SPEF2: variants seen among roughly 807,000 people sequenced by gnomAD.
SPEF2 encodes the protein sperm flagellar and cilia associated 2, also known as sperm flagella and cilia-associated protein 2.
SPEF2 carries 187 observed loss-of-function variants against 224.6 expected under a neutral mutation model. The ratio of observed to expected loss-of-function variants is 0.83; its 90% confidence interval spans 0.74 to 0.94. SPEF2 has a LOEUF of 0.94. SPEF2 is among the 40% of genes least tolerant of loss of function. The probability of loss-of-function intolerance (pLI) is 0.00; values close to 1 mark genes in which losing one functional copy is unlikely to be tolerated. For synonymous variants in SPEF2, 715 were observed against 707.3 expected (o/e 1.01, Z -0.17); for missense variants, 2,170 against 2,135.6 (o/e 1.02, Z -0.32).
At chr5:35,638,055 T>C (rs1746087104) in intron 2 of SPEF2, among the ~76,000 whole-genome samples, 2 of 152,328 alleles carry the variant, frequency 1.3e-5, no homozygotes, top group South Asian at 2.1e-4. Flanking sequence ...GTTGTCAGTT[T>C]CTTTATCTGT....
chr5:35,763,772 A>G (rs1217001942), intron 26 of SPEF2, 70 bp downstream of exon 26: 5 of 1,377,926 alleles, frequency 3.6e-6, no homozygotes, highest in South Asian at 1.6e-5. Flanking sequence ...GTAATATGCT[A>G]TAAGTGGAAA....
At chr5:35,714,248 C>T (rs914698912) in intron 20 of SPEF2, among the ~76,000 whole-genome samples, 4 of 150,922 alleles carry the variant, frequency 2.7e-5, no homozygotes, top group South Asian at 2.1e-4. Context: ...GAGAATTTTT[C>T]AACCATCAAA....
At chr5:35,678,010 G>A (rs147632139) in intron 10 of SPEF2, among the ~76,000 whole-genome samples, 47 of 152,356 alleles carry the variant, frequency 3.1e-4, no homozygotes, top group African/African-American at 4.6e-4. Context: ...TCTCTCCAGC[G>A]TGGGCCTACA....
Position 35,659,045 on chromosome 5 carries a change from T to TAACC in SPEF2, c.1006_1009dup (p.Arg337GlnfsTer23). 6.3e-7 allele frequency: 1 copy of TAACC among 1,581,246 alleles called. No homozygotes were observed. The highest frequency in any genetic ancestry group is 8.6e-7 in the Non-Finnish European group (1 of 1,160,340). On this transcript the variant is annotated frameshift_variant, in exon 8 of 37. Coordinates refer to ENST00000356031, the MANE Select transcript of SPEF2 (RefSeq NM_024867.4). LOFTEE classifies it high-confidence loss of function. ...AGGCTTATCGGGAGGAACAGCTGAT[T>TAACC]AACCGGCTGATGCGGCAGTCCCAGC...
At chr5:35,760,698 G>A (rs542999577) in intron 25 of SPEF2, among the ~76,000 whole-genome samples, 3 of 152,232 alleles carry the variant, frequency 2.0e-5, no homozygotes, top group African/African-American at 7.2e-5. Context: ...CCAATGGGTA[G>A]GGGCAAAGGA....
At position 35,643,597 on chromosome 5, in the gene SPEF2, C is replaced by A. The variant is rs551052522; in HGVS notation, c.415-758C>A. 66 of 453,318 alleles carry A rather than the reference C, an allele frequency of 1.5e-4. 2 individuals carry two copies. The highest frequency in any genetic ancestry group is 1.0e-3 in the African/African-American group (50 of 49,944). 28.1% of individuals were successfully genotyped at this position (453,318 alleles called of 1,614,324 possible). On this transcript the variant is annotated intron_variant, in intron 3 of 36. Coordinates refer to ENST00000356031, the MANE Select transcript of SPEF2 (RefSeq NM_024867.4). ...AAGATGGAAAGAGGCCCTCTGGGGA[C>A]GGAAAGAGGAATATGCAATCAATGG... is the stretch of plus-strand genomic sequence containing the variant.
Position 35,709,063 on chromosome 5 carries a change from A to T in SPEF2, c.2781A>T (p.Glu927Asp). 1 of 1,614,000 alleles carries T rather than the reference A, an allele frequency of 6.2e-7. No individual in the cohort carries two copies. Among genetic ancestry groups the T allele is most frequent in the South Asian group, 1.1e-5 (1 of 91,014 alleles). The change falls in exon 19 of 37, where the codon GAA becomes GAT. Residue 927 changes from glutamate (E) to aspartate (D), a missense_variant. Coordinates refer to ENST00000356031, the MANE Select transcript of SPEF2 (RefSeq NM_024867.4). ...CTCCTGAACCAGAAAAAGAGAAGGA[A>T]ATTCATCAAAGCCATGTGGCTTCAA... ...APPPEPEKEK[E>D]IHQSHVASKT...
intron 3 of SPEF2, chr5:35,643,766 G>A (rs1746937974): frequency 3.6e-6 from 1 of 278,122 alleles, no homozygotes; most frequent in Non-Finnish European, 7.3e-6. Flanking sequence ...CCTGTTTCAG[G>A]TGCTTTATGA....
chr5:35,739,944 A>C lies in SPEF2; in HGVS notation c.3089A>C (p.Tyr1030Ser), dbSNP rs1378959857. Residue 1030 changes from tyrosine to serine, a missense_variant, in exon 22 of 37, where the codon TAC (tyrosine) becomes TCC (serine). Physicochemically the swap from Tyr to Ser is moderately radical, Grantham distance 144. Coordinates refer to ENST00000356031, the MANE Select transcript of SPEF2 (RefSeq NM_024867.4). ...PEEMPLFLVP[Y>S]WELIENSYIN... The stretch of plus-strand genomic sequence containing the variant: ...GAAATGCCTTTGTTTTTAGTACCTT[A>C]CTGGGAACTAATAGAAAATTCCTAT... 1 of 1,613,982 alleles carries C rather than the reference A, an allele frequency of 6.2e-7. No homozygotes were observed. The highest frequency in any genetic ancestry group is 1.1e-5 in the South Asian group (1 of 91,058).
At chr5:35,715,997 C>T (rs10072009) in intron 20 of SPEF2, among the ~76,000 whole-genome samples, 114,083 of 151,780 alleles carry the variant, frequency 0.75, 43,236 homozygotes, top group Middle Eastern at 0.83. Flanking sequence ...ATGCAATTTA[C>T]TTCTTCCAGG....
chr5:35,675,915 A>G (rs534097041), intron 10 of SPEF2: 4 of 456,258 alleles, frequency 8.8e-6, no homozygotes, highest in South Asian at 6.2e-5. Flanking sequence ...ACTTGTGTCT[A>G]TGGAATAGCA....
intron 29 of SPEF2, among the ~76,000 whole-genome samples, chr5:35,777,822 G>A (rs981022347): frequency 6.6e-6 from 1 of 152,052 alleles, no homozygotes. Context: ...GCGCGCATCT[G>A]TTTTAGTATC....
At chr5:35,688,874 TTGTC>T (rs1754034442) in intron 10 of SPEF2, among the ~76,000 whole-genome samples, 1 of 152,224 alleles carries the variant, frequency 6.6e-6, no homozygotes, top group South Asian at 2.1e-4. Flanking sequence ...AGTATCTTCA[TTGTC>T]TGTTAATATT....
At chr5:35,731,651 G>A (rs1003369445) in intron 21 of SPEF2, among the ~76,000 whole-genome samples, 4 of 152,210 alleles carry the variant, frequency 2.6e-5, no homozygotes, top group Non-Finnish European at 4.4e-5. Flanking sequence ...TCTGTTGCTT[G>A]TGTGAGCAAA....
chr5:35,678,269 C>T (rs11740118), intron 10 of SPEF2, among the ~76,000 whole-genome samples: 4,852 of 152,320 alleles, frequency 0.032, 135 homozygotes, highest in Admixed American at 0.053. Flanking sequence ...ATTAGATTTC[C>T]TGATGATCCA....
intron 11 of SPEF2, among the ~76,000 whole-genome samples, chr5:35,692,087 C>T (rs191582104): frequency 3.9e-5 from 6 of 151,990 alleles, no homozygotes; most frequent in Non-Finnish European, 7.4e-5. Context: ...CATGAGCCAC[C>T]GTGCCCAGCC....
chr5:35,650,003 G>A (rs1042148954), intron 6 of SPEF2, among the ~76,000 whole-genome samples: 4 of 152,200 alleles, frequency 2.6e-5, no homozygotes, highest in Non-Finnish European at 5.9e-5. Context: ...GATGACATAT[G>A]TAGGAACAAC....
At chr5:35,723,409 G>T (rs757312125) in intron 20 of SPEF2, among the ~76,000 whole-genome samples, 87 of 152,014 alleles carry the variant, frequency 5.7e-4, no homozygotes, top group Non-Finnish European at 1.1e-3. Flanking sequence ...CAGGAGTGGG[G>T]ACCAGCAGTT....
At chr5:35,708,710 C>CCT (rs1470777590) in intron 18 of SPEF2, among the ~76,000 whole-genome samples, 61 of 664 alleles carry the variant, frequency 0.092, no homozygotes, top group South Asian at 0.14. Flanking sequence ...ACCACCACTA[C>CCT]CCATCAACAT....
Sources: allele counts gnomAD v4.1 joint callset (sites outside exome capture counted in the v4.1 genomes callset), GRCh38; gene constraint gnomAD v4.1.1; transcripts MANE v1.5; gene names NCBI Gene and HGNC (gene_info 2026-07-23, HGNC 2026-07-21).